Variants in ADGRG4 observed in about 807,000 individuals in gnomAD.
ADGRG4 encodes the protein adhesion G protein-coupled receptor G4.
A neutral mutation model predicts 126.2 loss-of-function variants in ADGRG4; 122 were observed. The ratio of observed to expected loss-of-function variants is 0.97; its 90% confidence interval spans 0.83 to 1.12. ADGRG4 has a LOEUF of 1.12. Among genes scored for constraint, ADGRG4 ranks in the 50% most tolerant of loss-of-function variants. The probability of loss-of-function intolerance (pLI) is 0.00; values close to 1 mark genes in which losing one functional copy is unlikely to be tolerated. For missense variants in ADGRG4, 2,481 were observed against 2,251.8 expected, an observed-to-expected ratio of 1.10 and a Z score of -2.06; for synonymous variants, 943 against 838.7, an observed-to-expected ratio of 1.12 and a Z score of -2.15.
chrX:136,387,554 A>G (rs1359581914), intron 15 of ADGRG4, among the ~76,000 whole-genome samples, 186 bp from the exon 16 acceptor site: 2 of 111,505 alleles, frequency 1.8e-5, no homozygotes, highest in African/African-American at 3.3e-5. Context: ...TGTGTGTACC[A>G]GGATCATGTC....
intron 14 of ADGRG4, among the ~76,000 whole-genome samples, chrX:136,372,078 T>G (rs2075198129): frequency 9.0e-6 from 1 of 111,565 alleles, no homozygotes; most frequent in Admixed American, 9.5e-5. Flanking sequence ...TGAATCTTAG[T>G]GATAGCAAGC....
At chrX:136,377,999 T>C (rs1285457573) in intron 15 of ADGRG4, among the ~76,000 whole-genome samples, 2 of 111,515 alleles carry the variant, frequency 1.8e-5, no homozygotes. Context: ...TCAAATCTGC[T>C]GATCAATTTG....
chrX:136,349,615 A>G lies in ADGRG4; in HGVS notation c.5909A>G (p.Asp1970Gly), dbSNP rs769906656. The stretch of plus-strand genomic sequence containing the variant: ...AGAGCTATCACTTCCACATTGGCTG[A>G]CGTTAAGCACACATTTGAGAAAATG... Reference protein sequence around the residue: ...SLRAITSTLADVKHTFEKMTT... With the variant: ...SLRAITSTLAGVKHTFEKMTT... Residue 1970 changes from aspartate to glycine, a missense_variant, in exon 6 of 26, where the codon GAC becomes GGC. By Grantham distance (94) the Asp-to-Gly change is moderately conservative. Transcript: ENST00000394143. The G allele has an allele frequency of 5.0e-6, 6 of 1,207,274 alleles. No homozygotes were observed. The South Asian group carries it at 8.8e-5, about 18-fold the overall frequency.
At chrX:136,311,662 C>T (rs192821511) in intron 4 of ADGRG4, among the ~76,000 whole-genome samples, 6 of 110,281 alleles carry the variant, frequency 5.4e-5, no homozygotes, top group Middle Eastern at 4.6e-3. Context: ...TATGCAGAGA[C>T]GACCTGACTA....
chrX:136,404,226 C>A (rs2075393424), intron 22 of ADGRG4, among the ~76,000 whole-genome samples: 1 of 110,708 alleles, frequency 9.0e-6, no homozygotes, highest in African/African-American at 3.3e-5. Context: ...CTTCCATTTT[C>A]TCTTCCCTTC....
rs757310213 is a variant in ADGRG4, at chrX:136,345,279, A to G, written c.1573A>G (p.Thr525Ala). 8.3e-7 allele frequency: 1 copy of G among 1,210,931 alleles called. No homozygotes were observed. The highest frequency in any genetic ancestry group is 1.1e-6 in the Non-Finnish European group (1 of 894,861). ...ETTPAPRTAE[T>A]ELTSTNFQDV... ...CACACCTGCCCCAAGGACAGCTGAA[A>G]CAGAATTGACATCTACAAATTTTCA... is the stretch of plus-strand genomic sequence containing the variant. Residue 525 changes from threonine (T) to alanine (A), a missense_variant, in exon 6 of 26, where the codon ACA becomes GCA. Transcript: ENST00000394143.
At chrX:136,364,375 G>A (rs1039279993) in intron 13 of ADGRG4, among the ~76,000 whole-genome samples, 2 of 111,360 alleles carry the variant, frequency 1.8e-5, no homozygotes, top group Non-Finnish European at 3.8e-5. Flanking sequence ...ACAAAGTGGA[G>A]CATACTATAC....
chrX:136,373,127 T>C lies in ADGRG4; in HGVS notation c.7776+63T>C. 3.9e-6 allele frequency: 4 copies of C among 1,028,712 alleles called. No homozygotes were observed. In the South Asian group the frequency reaches 9.3e-5, roughly 24 times the overall value. 84.8% of individuals were successfully genotyped at this position (1,028,712 alleles called of 1,213,427 possible). A position where few individuals can be genotyped will look rare whatever the true frequency, so the allele number is the denominator to read the frequency against. On this transcript the variant is annotated intron_variant, in intron 15 of 25. Coordinates refer to ENST00000394143, the MANE Select transcript of ADGRG4 (RefSeq NM_153834.4). ...AGCACTGTTTCAGGTCTTCATTCAT[T>C]TACTCCTTGGGAGAGAGAGGGCACT...
At chrX:136,342,717 G>A (rs1303263811) in intron 5 of ADGRG4, among the ~76,000 whole-genome samples, 7 of 109,969 alleles carry the variant, frequency 6.4e-5, no homozygotes, top group African/African-American at 2.3e-4. Context: ...CCAAGTATTA[G>A]AGAACTAAAA....
intron 13 of ADGRG4, 66 bp from the exon 14 acceptor site, chrX:136,371,262 A>G: frequency 1.3e-6 from 1 of 743,706 alleles, no homozygotes; most frequent in Non-Finnish European, 1.9e-6. Context: ...TTAAAGGGAA[A>G]GAAGCACACC....
chrX:136,340,461 G>T (rs774019187), intron 5 of ADGRG4, among the ~76,000 whole-genome samples: 1 of 111,618 alleles, frequency 9.0e-6, no homozygotes, highest in Non-Finnish European at 1.9e-5. Context: ...GGCCAGCAAA[G>T]TCGCCTTGAT....
At chrX:136,393,427 A>G in intron 17 of ADGRG4, 108 bp from the exon 18 acceptor site, 2 of 607,352 alleles carry the variant, frequency 3.3e-6, no homozygotes, top group Middle Eastern at 4.5e-4. Context: ...CAGTGTGTGC[A>G]TGTTTACCAT....
rs2075176298 is a variant in ADGRG4 at position 136,368,984 on chromosome X, A to G, written c.7397-2344A>G. ...TGAGCCCACACCACTGGGGGAGTCC[A>G]TGTGTAGGGAGTACAGCCAACAGCT... On this transcript the variant is annotated intron_variant, in intron 13 of 25. Coordinates refer to ENST00000394143, the MANE Select transcript of ADGRG4 (RefSeq NM_153834.4). 3.6e-5 allele frequency among the ~76,000 whole-genome samples: 4 copies of G among 112,072 alleles called. No homozygotes were observed. The South Asian group carries it at 1.5e-3, about 42-fold the overall frequency.
chrX:136,318,277 C>A, intron 4 of ADGRG4, among the ~76,000 whole-genome samples: 1 of 111,686 alleles, frequency 9.0e-6, no homozygotes, highest in East Asian at 2.8e-4. Context: ...AAGAAGCCGA[C>A]AAGAAAGGAC....
Position 136,358,479 on chromosome X carries a change from A to G in ADGRG4, c.6980+723A>G, listed in dbSNP as rs16993297. Among the ~76,000 whole-genome samples the G allele has an allele frequency of 6.1e-3, 688 of 112,454 alleles. 6 individuals carry two copies. The highest frequency in any genetic ancestry group is 0.021 in the African/African-American group (653 of 30,959). ...ATATCTTCTTCAAAAAGCCGTGTCT[A>G]CAAATGGAAATGGAAAAAAGATATA... On this transcript the variant is annotated intron_variant, in intron 10 of 25. Coordinates refer to ENST00000394143, the MANE Select transcript of ADGRG4 (RefSeq NM_153834.4).
At chrX:136,317,499 CAAAAAAAAA>C (rs35736381) in intron 4 of ADGRG4, among the ~76,000 whole-genome samples, 2 of 40,650 alleles carry the variant, frequency 4.9e-5, no homozygotes, top group Non-Finnish European at 8.6e-5. Context: ...GACTCCATCT[CAAAAAAAAA>C]AAAAAAAAAA....
At chrX:136,301,657 A>C (rs1179130462) in intron 1 of ADGRG4, among the ~76,000 whole-genome samples, 2 of 112,007 alleles carry the variant, frequency 1.8e-5, no homozygotes, top group African/African-American at 6.5e-5. Flanking sequence ...GTCCTTACCC[A>C]TGCCTATGTC....
At chrX:136,320,913 C>T (rs1183159823) in intron 4 of ADGRG4, among the ~76,000 whole-genome samples, 1 of 110,803 alleles carries the variant, frequency 9.0e-6, no homozygotes, top group East Asian at 2.8e-4. Flanking sequence ...AGTGAGACCC[C>T]CCCTCTTAAA....
At chrX:136,409,084 CACACAA>C (rs1328954417) in intron 23 of ADGRG4, among the ~76,000 whole-genome samples, 4 of 109,394 alleles carry the variant, frequency 3.7e-5, no homozygotes, top group Non-Finnish European at 5.7e-5. Flanking sequence ...CACACACACA[CACACAA>C]CCCGAATAAC....
Sources: allele counts gnomAD v4.1 joint callset (sites outside exome capture counted in the v4.1 genomes callset), GRCh38; gene constraint gnomAD v4.1.1; transcripts MANE v1.5; gene names NCBI Gene and HGNC (gene_info 2026-07-23, HGNC 2026-07-21).